C4orf36: variants seen among roughly 807,000 people sequenced by gnomAD.
C4orf36 encodes the protein chromosome 4 open reading frame 36.
C4orf36 carries 11 observed loss-of-function variants against 12.2 expected under a neutral mutation model. The ratio of observed to expected loss-of-function variants is 0.90; its 90% CI spans 0.57 to 1.49. C4orf36 has a LOEUF of 1.49. Among genes scored for constraint, C4orf36 ranks in the 40% most tolerant of loss-of-function variants. C4orf36 has a pLI of 0.00. For synonymous variants in C4orf36, 54 were observed against 51.3 expected (o/e 1.05, Z -0.22); for missense variants, 137 against 133.9 (o/e 1.02, Z -0.11).
chr4:86,884,298 A>ACTTTTTTTTTTTTTTTTTTTTTTTTTT, intron 4 of C4orf36, among the ~76,000 whole-genome samples: 1 of 125,250 alleles, frequency 8.0e-6, no homozygotes, highest in Admixed American at 8.9e-5. Context: ...AAAAAGACTG[A>ACTTTTTTTTTTTTTTTTTTTTTTTTTT]ATTTTTTTTT....
chr4:86,923,656 G>T, the C4orf36 span, among the ~76,000 whole-genome samples: 1 of 151,770 alleles, frequency 6.6e-6, no homozygotes, highest in Admixed American at 6.6e-5. Flanking sequence ...CAGCTACTTG[G>T]GAGGCTGAGG....
At chr4:86,876,609 A>C in intron 4 of C4orf36, 166 bp from the exon 5 acceptor site, 1 of 1,613,976 alleles carries the variant, frequency 6.2e-7, no homozygotes, top group Non-Finnish European at 8.5e-7. Context: ...AAGAACAGAC[A>C]GTTCTTCAAT....
the C4orf36 span, among the ~76,000 whole-genome samples, chr4:86,912,063 C>A: frequency 3.3e-5 from 5 of 151,906 alleles, no homozygotes; most frequent in Admixed American, 2.0e-4. Context: ...TTAGTAGAGA[C>A]GAAGTTTCTC....
chr4:86,895,670 T>C (rs772458891), upstream of C4orf36, among the ~76,000 whole-genome samples: 19 of 152,266 alleles, frequency 1.2e-4, no homozygotes, highest in Non-Finnish European at 2.6e-4. Flanking sequence ...TTTCTCACAA[T>C]GACTATTTCA....
intron 4 of C4orf36, among the ~76,000 whole-genome samples, chr4:86,884,863 T>C (rs1392643777): frequency 6.6e-6 from 1 of 152,240 alleles, no homozygotes; most frequent in Non-Finnish European, 1.5e-5. Context: ...GTAATCCATC[T>C]TGAATTAATT....
the C4orf36 span, chr4:86,913,754 A>C: frequency 6.7e-7 from 1 of 1,498,842 alleles, no homozygotes; most frequent in South Asian, 1.1e-5. Flanking sequence ...TGCCACTGCC[A>C]CCTAACTCTG....
chr4:86,897,091 C>T (rs529141140), upstream of C4orf36, among the ~76,000 whole-genome samples: 3 of 152,182 alleles, frequency 2.0e-5, no homozygotes, highest in South Asian at 2.1e-4. Context: ...CCAGACACAG[C>T]GGCTCATTCC....
chr4:86,913,537 C>A, the C4orf36 span: 2 of 935,338 alleles, frequency 2.1e-6, no homozygotes, highest in South Asian at 1.4e-5. Flanking sequence ...CAGCCTCGGT[C>A]ATCGAAAAGA....
the C4orf36 span, among the ~76,000 whole-genome samples, chr4:86,917,471 A>AG: frequency 6.9e-6 from 1 of 145,678 alleles, no homozygotes; most frequent in Non-Finnish European, 1.5e-5. Flanking sequence ...AAGAAAAGAA[A>AG]GAAATAAAGA....
At chr4:86,909,893 TAAAAA>T in the C4orf36 span, among the ~76,000 whole-genome samples, 1 of 73,298 alleles carries the variant, frequency 1.4e-5, no homozygotes, top group Non-Finnish European at 2.7e-5. Context: ...GAGGAAGACT[TAAAAA>T]AAAAAAAAAA....
the C4orf36 span, among the ~76,000 whole-genome samples, chr4:86,916,027 GAC>G: frequency 2.0e-5 from 3 of 152,190 alleles, no homozygotes; most frequent in Non-Finnish European, 2.9e-5. Context: ...AGAACTATGA[GAC>G]AATACATTTC....
the C4orf36 span, among the ~76,000 whole-genome samples, chr4:86,902,704 G>C: frequency 6.6e-6 from 1 of 152,100 alleles, no homozygotes; most frequent in Non-Finnish European, 1.5e-5. Context: ...GCTTTGCCAA[G>C]TACCCTTTTC....
At chr4:86,929,281 G>A in the C4orf36 span, among the ~76,000 whole-genome samples, 2 of 152,164 alleles carry the variant, frequency 1.3e-5, no homozygotes, top group African/African-American at 2.4e-5. Flanking sequence ...CTGGAGGCTT[G>A]ACTAGGGAAA....
At chr4:86,876,616 C>T (rs900905081) in intron 4 of C4orf36, 173 bp from the exon 5 acceptor site, 17 of 1,613,676 alleles carry the variant, frequency 1.1e-5, no homozygotes, top group Non-Finnish European at 1.0e-5. Flanking sequence ...GACAGTTCTT[C>T]AATGAACCAG....
the C4orf36 span, among the ~76,000 whole-genome samples, chr4:86,926,912 G>A: frequency 6.6e-6 from 1 of 152,156 alleles, no homozygotes; most frequent in Non-Finnish European, 1.5e-5. Flanking sequence ...ACAAACCATG[G>A]GAAACTACAA....
the C4orf36 span, among the ~76,000 whole-genome samples, chr4:86,904,237 C>T: frequency 6.6e-6 from 1 of 152,238 alleles, no homozygotes; most frequent in Non-Finnish European, 1.5e-5. Context: ...CCACCCGGAA[C>T]CCGCGCCGGC....
rs1578778231 is a variant in C4orf36, at chr4:86,888,241, T to G, written c.100A>C (p.Thr34Pro). The G allele has an allele frequency of 6.2e-7, 1 of 1,614,104 alleles. No homozygotes were observed. Among genetic ancestry groups the G allele is most frequent in the Non-Finnish European group, 8.5e-7 (1 of 1,179,984 alleles). The change falls in exon 3 of 5, where the codon ACC (threonine) becomes CCC (proline). Residue 34 changes from threonine to proline, a missense_variant. Coordinates refer to ENST00000295898, the MANE Select transcript of C4orf36 (RefSeq NM_144645.4). Reference sequence around the variant, plus strand: ...ATATTGGCTAGGTTTGTGGACCAGGTCTTTGCAAGCAATGCAATATCCCAA... The same window carrying G: ...ATATTGGCTAGGTTTGTGGACCAGGGCTTTGCAAGCAATGCAATATCCCAA... ...EPWDIALLAK[T>P]WSTNLANIKL...
chr4:86,880,239 A>C (rs1344978198), intron 4 of C4orf36, among the ~76,000 whole-genome samples: 3 of 152,200 alleles, frequency 2.0e-5, no homozygotes, highest in Non-Finnish European at 2.9e-5. Context: ...TTGGGAGGCC[A>C]AGGTGAACAG....
chr4:86,878,895 G>A lies in C4orf36; in HGVS notation c.*3-2452C>T, dbSNP rs189538840. Among the ~76,000 whole-genome samples the A allele has an allele frequency of 9.8e-4, 149 of 152,254 alleles. 2 individuals carry two copies. Among genetic ancestry groups the A allele is most frequent in the African/African-American group, 3.5e-3 (145 of 41,542 alleles). On this transcript the variant is annotated intron_variant, in intron 4 of 4. Transcript: ENST00000295898. ...AAAGATTATGAGCTCCAGTGAAGAA[G>A]CAAGTAAACCTTTTTTAACTGGGAA...
Sources: allele counts gnomAD v4.1 joint callset (sites outside exome capture counted in the v4.1 genomes callset), GRCh38; gene constraint gnomAD v4.1.1; transcripts MANE v1.5; gene names NCBI Gene and HGNC (gene_info 2026-07-23, HGNC 2026-07-21).